WDR17: variants seen among roughly 807,000 people sequenced by gnomAD.
WDR17 encodes WD repeat domain 17.
WDR17 carries 143 observed loss-of-function variants against 161.7 expected under a neutral mutation model. That is an observed-to-expected ratio of 0.88 (90% confidence interval 0.77 to 1.02). The LOEUF is 1.02. WDR17 is among the 50% of genes least tolerant of loss of function. WDR17 has a pLI of 0.00. For synonymous variants in WDR17, 517 were observed against 515.6 expected (o/e 1.00, Z -0.04); for missense variants, 1,469 against 1,520.9 (o/e 0.97, Z 0.57).
At chr4:176,167,595 C>T (rs1026051648) in intron 22 of WDR17, among the ~76,000 whole-genome samples, 2 of 120,570 alleles carry the variant, frequency 1.7e-5, no homozygotes, top group African/African-American at 3.1e-5. Context: ...TGCAGTGAGC[C>T]GAGATTGCGC....
intron 1 of WDR17, among the ~76,000 whole-genome samples, chr4:176,089,144 T>C: frequency 6.6e-6 from 1 of 152,170 alleles, no homozygotes; most frequent in East Asian, 1.9e-4. Flanking sequence ...TTAGATTACG[T>C]ACCTGAAAGC....
rs373466794 is a variant in WDR17 at position 176,108,894 on chromosome 4, A to T, written c.-6-2681A>T. 3.8e-3 allele frequency among the ~76,000 whole-genome samples: 574 copies of T among 152,218 alleles called. 3 individuals are homozygous for T. The highest frequency in any genetic ancestry group is 0.013 in the African/African-American group (538 of 41,528). Reference sequence around the variant, plus strand: ...AACATGCACCTCCCAGGCTCAAGCAATCTTCCCACCTCAGCTTCCCAAGTA... The same window carrying T: ...AACATGCACCTCCCAGGCTCAAGCATTCTTCCCACCTCAGCTTCCCAAGTA... On this transcript the variant is annotated intron_variant, in intron 1 of 28. Transcript: ENST00000508596.
At chr4:176,174,307 C>A (rs1394152658) in intron 25 of WDR17, among the ~76,000 whole-genome samples, 1 of 152,068 alleles carries the variant, frequency 6.6e-6, no homozygotes, top group African/African-American at 2.4e-5. Flanking sequence ...ACTCCCTCCA[C>A]CTGACCAAAG....
At chr4:176,174,037 T>A (rs534916027) in intron 25 of WDR17, among the ~76,000 whole-genome samples, 1 of 152,142 alleles carries the variant, frequency 6.6e-6, no homozygotes, top group South Asian at 2.1e-4. Context: ...AGCACCATAC[T>A]GAGCTTGTGG....
intron 12 of WDR17, among the ~76,000 whole-genome samples, chr4:176,146,678 C>G (rs1261558365): frequency 2.0e-5 from 3 of 152,112 alleles, no homozygotes; most frequent in Non-Finnish European, 4.4e-5. Flanking sequence ...GACACCTGTT[C>G]TAGTGGCCCC....
At chr4:176,113,259 A>G (rs1451710120) in intron 2 of WDR17, among the ~76,000 whole-genome samples, 1 of 151,974 alleles carries the variant, frequency 6.6e-6, no homozygotes, top group Non-Finnish European at 1.5e-5. Context: ...ATTTCCTCCT[A>G]AAGAAGAGAA....
At chr4:176,159,663 A>G (rs1349801156) in intron 18 of WDR17, among the ~76,000 whole-genome samples, 1 of 152,228 alleles carries the variant, frequency 6.6e-6, no homozygotes, top group East Asian at 1.9e-4. Context: ...TCCACCTGAT[A>G]TCCTATCACA....
intron 1 of WDR17, among the ~76,000 whole-genome samples, chr4:176,085,336 T>C (rs945483459): frequency 6.6e-6 from 1 of 152,112 alleles, no homozygotes; most frequent in Non-Finnish European, 1.5e-5. Context: ...GGGGAAGATA[T>C]AAAGAAGTGA....
At chr4:176,067,334 T>C (rs931471272) in intron 1 of WDR17, among the ~76,000 whole-genome samples, 1 of 152,244 alleles carries the variant, frequency 6.6e-6, no homozygotes, top group African/African-American at 2.4e-5. Flanking sequence ...GTTTGGAGAT[T>C]AATGTTACAA....
Position 176,137,612 on chromosome 4 carries a change from G to T in WDR17, c.1359+1G>T. On this transcript the variant is annotated splice_donor_variant, in intron 9 of 28. Transcript: ENST00000508596. LOFTEE classifies it high-confidence loss of function. ...CAAAATTATACAACGATTTAATGAGGTAAGATTTATTTATTGCTACTGAAT... is the reference window on the plus strand; with the variant it reads ...CAAAATTATACAACGATTTAATGAGTTAAGATTTATTTATTGCTACTGAAT... The T allele has an allele frequency of 1.9e-6, 3 of 1,571,804 alleles. No individual in the cohort carries two copies. The highest frequency in any genetic ancestry group is 2.6e-6 in the Non-Finnish European group (3 of 1,150,562).
chr4:176,067,648 A>G (rs1401522663), intron 1 of WDR17, among the ~76,000 whole-genome samples: 1 of 30,430 alleles, frequency 3.3e-5, no homozygotes, highest in African/African-American at 7.7e-5. Flanking sequence ...TAGTCACATA[A>G]ATAATTCCAT....
At chr4:176,146,888 G>A (rs75389289) in intron 12 of WDR17, among the ~76,000 whole-genome samples, 1 of 149,680 alleles carries the variant, frequency 6.7e-6, no homozygotes, top group Non-Finnish European at 1.5e-5. Context: ...TTTTTTTTTT[G>A]AGACAGTCTC....
rs777004300 is a variant in WDR17 at position 176,121,821 on chromosome 4, C to G, written c.538+1724C>G. 2.4e-4 allele frequency among the ~76,000 whole-genome samples: 36 copies of G among 152,252 alleles called. 1 individual carries two copies. Among genetic ancestry groups the G allele is most frequent in the Admixed American group, 9.8e-4 (15 of 15,296 alleles). Reference sequence around the variant, plus strand: ...AAAAGACTACCTTTGTTTTCCCTCTCTTAGGTTTAGAGGATAGAATGTTTA... The same window carrying G: ...AAAAGACTACCTTTGTTTTCCCTCTGTTAGGTTTAGAGGATAGAATGTTTA... On this transcript the variant is annotated intron_variant, in intron 4 of 28. Coordinates refer to ENST00000508596, the MANE Select transcript of WDR17 (RefSeq NM_181265.4).
rs66817611 is a variant in WDR17, at chr4:176,077,155, A to AT, written c.-7+11102dup. On this transcript the variant is annotated intron_variant, in intron 1 of 28. Transcript: ENST00000508596. Reference sequence around the variant, plus strand: ...CTGTCTTATCTCACTTTTTCTCCCAATTTTTTTTTTTTTTTTTTTTTTTTT... The same window carrying AT: ...CTGTCTTATCTCACTTTTTCTCCCAATTTTTTTTTTTTTTTTTTTTTTTTTT... 2.3e-4 allele frequency among the ~76,000 whole-genome samples: 29 copies of AT among 125,450 alleles called. 1 individual carries two copies. The highest frequency in any genetic ancestry group is 7.8e-4 in the African/African-American group (23 of 29,624). 82.3% of individuals were successfully genotyped at this position (125,450 alleles called of 152,430 possible). A position where few individuals can be genotyped will look rare whatever the true frequency, so the allele number is the denominator to read the frequency against.
At chr4:176,142,532 A>G (rs1035912778) in intron 11 of WDR17, among the ~76,000 whole-genome samples, 4 of 152,202 alleles carry the variant, frequency 2.6e-5, no homozygotes, top group Non-Finnish European at 4.4e-5. Context: ...TAAAAGGTCA[A>G]TCTTGTTTGA....
At chr4:176,126,970 G>C (rs1032754683) in intron 5 of WDR17, among the ~76,000 whole-genome samples, 4 of 152,158 alleles carry the variant, frequency 2.6e-5, no homozygotes, top group Admixed American at 2.6e-4. Flanking sequence ...CCTCAGCCAT[G>C]CAGAACTGTG....
intron 9 of WDR17, among the ~76,000 whole-genome samples, chr4:176,138,677 A>G (rs747785069): frequency 6.6e-6 from 1 of 151,828 alleles, no homozygotes; most frequent in Non-Finnish European, 1.5e-5. Flanking sequence ...ATCTTTACTC[A>G]TTAGATCAGT....
At chr4:176,133,378 T>TG (rs1310999593) in intron 7 of WDR17, among the ~76,000 whole-genome samples, 4 of 72,994 alleles carry the variant, frequency 5.5e-5, no homozygotes, top group Admixed American at 1.7e-4. Context: ...TCTACTAAGC[T>TG]AAAAAAAAAA....
At chr4:176,101,661 A>G (rs1737849680) in intron 1 of WDR17, among the ~76,000 whole-genome samples, 1 of 152,210 alleles carries the variant, frequency 6.6e-6, no homozygotes, top group Middle Eastern at 3.2e-3. Context: ...CAGCCATGGT[A>G]TCTGCAAAAG....
Sources: allele counts gnomAD v4.1 joint callset (sites outside exome capture counted in the v4.1 genomes callset), GRCh38; gene constraint gnomAD v4.1.1; transcripts MANE v1.5; gene names NCBI Gene and HGNC (gene_info 2026-07-23, HGNC 2026-07-21).